EXO5: variants seen among roughly 807,000 people sequenced by gnomAD.
EXO5 encodes exonuclease V.
EXO5 carries 11 observed loss-of-function variants against 17.8 expected under a neutral mutation model. The ratio of observed to expected loss-of-function variants is 0.62; its 90% CI spans 0.39 to 1.02. EXO5 has a LOEUF of 1.02. EXO5 is among the 50% of genes least tolerant of loss of function. The probability of loss-of-function intolerance (pLI) is 0.00; values close to 1 mark genes in which losing one functional copy is unlikely to be tolerated. For synonymous variants in EXO5, 147 were observed against 166.5 expected (o/e 0.88, Z 0.90); for missense variants, 364 against 434.8 (o/e 0.84, Z 1.45).
At chr1:40,514,311 A>G in intron 3 of EXO5, 2 of 366,028 alleles carry the variant, frequency 5.5e-6, no homozygotes, top group Non-Finnish European at 9.7e-6. Context: ...CAAGAGATAT[A>G]TATGGATATA....
chr1:40,510,641 T>A (rs965643180), intron 3 of EXO5, among the ~76,000 whole-genome samples: 1 of 152,232 alleles, frequency 6.6e-6, no homozygotes, highest in African/African-American at 2.4e-5. Flanking sequence ...CAGGAAATAG[T>A]CTAACTCTAT....
At chr1:40,510,823 A>G (rs1645761172) in intron 3 of EXO5, among the ~76,000 whole-genome samples, 1 of 152,246 alleles carries the variant, frequency 6.6e-6, no homozygotes, top group South Asian at 2.1e-4. Flanking sequence ...AGTGGCTACT[A>G]ATGGCTACCA....
Position 40,516,032 on chromosome 1 carries a change from T to C in EXO5, c.*366T>C, listed in dbSNP as rs544938120. On this transcript the variant is annotated 3_prime_UTR_variant, in exon 4 of 4. Coordinates refer to ENST00000415550, the MANE Select transcript of EXO5 (RefSeq NM_001346953.2). ...AGTTACATAATAAAATGAAATGCTG[T>C]CCAGGACAGTTGAACTGATGGTTTT... 7 of 213,876 alleles carry C rather than the reference T, an allele frequency of 3.3e-5. No homozygotes were observed. The South Asian group carries it at 7.0e-4, about 21-fold the overall frequency. 13.2% of individuals were successfully genotyped at this position (213,876 alleles called of 1,614,324 possible).
chr1:40,511,531 C>G (rs1239396099), intron 3 of EXO5, among the ~76,000 whole-genome samples: 1 of 152,134 alleles, frequency 6.6e-6, no homozygotes, highest in Non-Finnish European at 1.5e-5. Flanking sequence ...TCTATGTTTT[C>G]TTTCATTAGT....
Position 40,514,601 on chromosome 1 carries a change from C to G in EXO5, c.57C>G (p.Asp19Glu). 6.2e-7 allele frequency: 1 copy of G among 1,614,140 alleles called. No individual in the cohort carries two copies. Among genetic ancestry groups the G allele is most frequent in the Non-Finnish European group, 8.5e-7 (1 of 1,180,016 alleles). The part of the protein sequence containing the change: ...TVSAEASGFS[D>E]LSDSEFLEFL... Reference sequence around the variant, plus strand: ...CAGCAGAAGCCTCAGGGTTCTCAGACTTGAGTGACTCAGAGTTCCTGGAGT... The same window carrying G: ...CAGCAGAAGCCTCAGGGTTCTCAGAGTTGAGTGACTCAGAGTTCCTGGAGT... Residue 19 changes from aspartate to glutamate, a missense_variant, in exon 4 of 4, where the codon GAC becomes GAG. Coordinates refer to ENST00000415550, the MANE Select transcript of EXO5 (RefSeq NM_001346953.2).
chr1:40,510,470 T>C (rs1327786128), intron 3 of EXO5, among the ~76,000 whole-genome samples: 3 of 152,262 alleles, frequency 2.0e-5, no homozygotes, highest in African/African-American at 4.8e-5. Context: ...TTTATTCTTA[T>C]AGATGAATAC....
intron 3 of EXO5, among the ~76,000 whole-genome samples, chr1:40,512,421 G>C (rs1350786781): frequency 6.6e-6 from 1 of 152,012 alleles, no homozygotes; most frequent in Admixed American, 6.6e-5. Context: ...TGGAAATTAT[G>C]CTGAAACATT....
chr1:40,515,110 A>G lies in EXO5; in HGVS notation c.566A>G (p.Lys189Arg), dbSNP rs1225555766. Residue 189 changes from lysine (K) to arginine (R), a missense_variant, in exon 4 of 4, where the codon AAG (lysine) becomes AGG (arginine). By Grantham distance (26) the Lys-to-Arg change is conservative. Transcript: ENST00000415550. ...GVIDELHYTAKGELELAELKT... is the reference protein window; with the variant it reads ...GVIDELHYTARGELELAELKT... ...ATTGATGAGCTGCACTATACAGCCA[A>G]GGGGGAACTGGAGCTGGCGGAACTC... 8.7e-6 allele frequency: 14 copies of G among 1,614,150 alleles called. No homozygotes were observed. Among genetic ancestry groups the G allele is most frequent in the Non-Finnish European group, 1.1e-5 (13 of 1,180,038 alleles).
rs1007669270 is a variant in EXO5, at chr1:40,515,036, A to G, written c.492A>G (p.Arg164=). The G allele has an allele frequency of 1.7e-5, 28 of 1,614,020 alleles. No individual in the cohort carries two copies. Among genetic ancestry groups the G allele is most frequent in the Non-Finnish European group, 2.3e-5 (27 of 1,180,046 alleles). The change falls in exon 4 of 4, where the codon AGA becomes AGG. Residue 164 remains arginine, a synonymous_variant. Coordinates refer to ENST00000415550, the MANE Select transcript of EXO5 (RefSeq NM_001346953.2). Reference sequence around the variant, plus strand: ...CCCTGCAGTCAGAAGGGCACATCAGAGAGTTTCCAGTGTTTGGGGAAGGGG... The same window carrying G: ...CCCTGCAGTCAGAAGGGCACATCAGGGAGTTTCCAGTGTTTGGGGAAGGGG... ...IPTLQSEGHI[R]EFPVFGEGEG...
chr1:40,511,080 CA>C (rs1645768414), intron 3 of EXO5, among the ~76,000 whole-genome samples: 1 of 152,050 alleles, frequency 6.6e-6, no homozygotes, highest in Non-Finnish European at 1.5e-5. Context: ...CTAAAAAATA[CA>C]AAAATTAGCT....
intron 3 of EXO5, among the ~76,000 whole-genome samples, chr1:40,514,307 A>T (rs572438626): frequency 4.6e-5 from 7 of 152,232 alleles, no homozygotes; most frequent in African/African-American, 1.7e-4. Context: ...CTGCCAAGAG[A>T]TATATATGGA....
Position 40,515,458 on chromosome 1 carries a change from C to G in EXO5, c.914C>G (p.Thr305Ser). The G allele has an allele frequency of 1.2e-6, 2 of 1,613,652 alleles. No homozygotes were observed. The highest frequency in any genetic ancestry group is 1.7e-6 in the Non-Finnish European group (2 of 1,179,928). Residue 305 changes from threonine (T) to serine (S), a missense_variant, in exon 4 of 4, where the codon ACT becomes AGT. Thr to Ser is a moderately conservative substitution (Grantham distance 58, BLOSUM62 1). Coordinates refer to ENST00000415550, the MANE Select transcript of EXO5 (RefSeq NM_001346953.2). The part of the protein sequence containing the change: ...IHQETATVLG[T>S]EIVAFKEKEV... Reference sequence around the variant, plus strand: ...CAAGAGACTGCCACTGTGCTGGGTACTGAGATTGTAGCCTTCAAAGAGAAG... The same window carrying G: ...CAAGAGACTGCCACTGTGCTGGGTAGTGAGATTGTAGCCTTCAAAGAGAAG...
chr1:40,510,717 G>C (rs2124481619), intron 3 of EXO5, among the ~76,000 whole-genome samples: 1 of 152,328 alleles, frequency 6.6e-6, no homozygotes, highest in Non-Finnish European at 1.5e-5. Flanking sequence ...GTATCCACCA[G>C]CCAGATGTAG....
intron 3 of EXO5, 185 bp from the exon 4 acceptor site, chr1:40,514,330 G>T: frequency 2.1e-6 from 1 of 484,528 alleles, no homozygotes; most frequent in Admixed American, 3.7e-5. Context: ...TATATAAGGA[G>T]CCCTATAGCA....
At chr1:40,510,222 T>A (rs1376637718) in intron 3 of EXO5, among the ~76,000 whole-genome samples, 1 of 152,100 alleles carries the variant, frequency 6.6e-6, no homozygotes, top group African/African-American at 2.4e-5. Context: ...ATCAAACTTG[T>A]CCTAAGAAAC....
At chr1:40,511,596 C>T (rs1458512266) in intron 3 of EXO5, among the ~76,000 whole-genome samples, 5 of 152,184 alleles carry the variant, frequency 3.3e-5, no homozygotes, top group African/African-American at 4.8e-5. Flanking sequence ...ATATTAATGA[C>T]GTTTTCAGGG....
chr1:40,512,636 C>T (rs1433646539), intron 3 of EXO5, among the ~76,000 whole-genome samples: 4 of 152,128 alleles, frequency 2.6e-5, no homozygotes, highest in Non-Finnish European at 5.9e-5. Context: ...AGTCTTCACT[C>T]TGTCACCCAG....
rs773352985 is a variant in EXO5 at position 40,515,572 on chromosome 1, G to A, written c.1028G>A (p.Cys343Tyr). Residue 343 changes from cysteine (C) to tyrosine (Y), a missense_variant, in exon 4 of 4, where the codon TGC (cysteine) becomes TAC (tyrosine). Physicochemically the swap from Cys to Tyr is radical, Grantham distance 194. Transcript: ENST00000415550. Reference sequence around the variant, plus strand: ...GTTGACGTGGAGGAGGCTTGGAAGTGCCGGACGTGTACCTATGCAGACATT... The same window carrying A: ...GTTGACGTGGAGGAGGCTTGGAAGTACCGGACGTGTACCTATGCAGACATT... ...QGVDVEEAWK[C>Y]RTCTYADICE... is the part of the protein sequence containing the mutation. The A allele has an allele frequency of 2.5e-6, 4 of 1,613,280 alleles. No homozygotes were observed. Among genetic ancestry groups the A allele is most frequent in the Non-Finnish European group, 3.4e-6 (4 of 1,179,808 alleles).
At chr1:40,514,279 CAAA>C (rs752515255) in intron 3 of EXO5, among the ~76,000 whole-genome samples, 1 of 98,748 alleles carries the variant, frequency 1.0e-5, no homozygotes. Flanking sequence ...GACTCCGTCT[CAAA>C]AAAAAAAAAA....
Sources: allele counts gnomAD v4.1 joint callset (sites outside exome capture counted in the v4.1 genomes callset), GRCh38; gene constraint gnomAD v4.1.1; transcripts MANE v1.5; gene names NCBI Gene and HGNC (gene_info 2026-07-23, HGNC 2026-07-21).